The following PSEN2 variants were observed in gnomAD, a reference collection of about 807,000 sequenced individuals.
PSEN2 encodes the protein presenilin 2, also known as presenilin-2.
A neutral mutation model predicts 49.1 loss-of-function variants in PSEN2; 32 were observed. The observed-to-expected ratio is 0.65, with a 90% CI of 0.49 to 0.88. The LOEUF (loss-of-function observed/expected upper bound fraction) is 0.88, where lower values mean the gene tolerates loss of function less well. Among genes scored for constraint, PSEN2 ranks in the 40% least tolerant of loss-of-function variants. The probability of loss-of-function intolerance (pLI) is 0.00; values close to 1 mark genes in which losing one functional copy is unlikely to be tolerated. For synonymous variants in PSEN2, 255 were observed against 244.0 expected, an observed-to-expected ratio of 1.05 and a Z score of -0.42; for missense variants, 522 against 586.9, an observed-to-expected ratio of 0.89 and a Z score of 1.14.
intron 1 of PSEN2, 88 bp downstream of exon 1, chr1:226,870,737 C>T (rs1363580270): frequency 1.3e-5 from 2 of 152,162 alleles, no homozygotes; most frequent in Non-Finnish European, 2.9e-5. Context: ...CCCTGAGGGC[C>T]CTGCCCTGCC....
At chr1:226,898,319 G>C (rs907325588), downstream of PSEN2, 1 of 152,124 alleles carries the variant, frequency 6.6e-6, no homozygotes, top group African/African-American at 2.4e-5. Flanking sequence ...GCTATTGATC[G>C]ACCTGTAGGG....
downstream of PSEN2, among the ~76,000 whole-genome samples, chr1:226,897,159 G>A (rs937047784): frequency 1.3e-5 from 2 of 152,218 alleles, no homozygotes; most frequent in African/African-American, 4.8e-5. Context: ...AAAGCAGACA[G>A]GGATGGTCCC....
At chr1:226,871,511 C>T (rs1484299791) in intron 2 of PSEN2, 107 bp downstream of exon 2, 1 of 152,212 alleles carries the variant, frequency 6.6e-6, no homozygotes, top group African/African-American at 2.4e-5. Flanking sequence ...AATAAGTATT[C>T]CCTTTGAAAG....
chr1:226,887,130 G>T (rs1661412218), intron 6 of PSEN2, among the ~76,000 whole-genome samples: 1 of 152,156 alleles, frequency 6.6e-6, no homozygotes, highest in Non-Finnish European at 1.5e-5. Flanking sequence ...ACTGCGGGCA[G>T]TAGGTGTCTG....
chr1:226,901,433 T>TTA (rs1373592167), downstream of PSEN2, among the ~76,000 whole-genome samples: 1 of 47,358 alleles, frequency 2.1e-5, no homozygotes, highest in African/African-American at 5.9e-5. Context: ...CGAAACTGTC[T>TTA]CAAAAAAAAA....
chr1:226,893,726 C>G (rs550487955), intron 11 of PSEN2, among the ~76,000 whole-genome samples: 48 of 152,344 alleles, frequency 3.2e-4, no homozygotes, highest in South Asian at 3.1e-3. Flanking sequence ...TTTCTTTACT[C>G]TCTAAGTGCC....
Position 226,880,493 on chromosome 1 carries a change from C to T in PSEN2, c.-20-1395C>T, listed in dbSNP as rs940164103. On this transcript the variant is annotated intron_variant, in intron 3 of 12. Coordinates refer to ENST00000366783, the MANE Select transcript of PSEN2 (RefSeq NM_000447.3). ...GGGTGTGAAGCTCAGCCCTGAGGGT[C>T]TCTGGACAGCGATCACTCAGCCTCT... 5.3e-6 allele frequency: 8 copies of T among 1,500,014 alleles called. 1 individual carries two copies. The highest frequency in any genetic ancestry group is 2.5e-5 in the East Asian group (1 of 40,692). 92.9% of individuals were successfully genotyped at this position (1,500,014 alleles called of 1,614,324 possible).
intron 6 of PSEN2, among the ~76,000 whole-genome samples, 199 bp from the exon 7 acceptor site, chr1:226,887,892 T>C (rs1000483790): frequency 3.9e-5 from 6 of 152,170 alleles, no homozygotes; most frequent in African/African-American, 7.2e-5. Context: ...CTGCATGCGC[T>C]GCAGGATGAC....
chr1:226,877,497 C>G (rs1558139385), intron 3 of PSEN2, among the ~76,000 whole-genome samples: 1 of 152,210 alleles, frequency 6.6e-6, no homozygotes, highest in Non-Finnish European at 1.5e-5. Flanking sequence ...AAACAGTGAT[C>G]CTAAGGGATT....
chr1:226,886,179 A>C (rs553116343), intron 6 of PSEN2, among the ~76,000 whole-genome samples: 47 of 152,294 alleles, frequency 3.1e-4, no homozygotes, highest in African/African-American at 1.1e-3. Context: ...GTTGTCTTTT[A>C]AATTTACACA....
intron 3 of PSEN2, among the ~76,000 whole-genome samples, chr1:226,879,416 C>T (rs1040817521): frequency 1.3e-5 from 2 of 152,148 alleles, no homozygotes; most frequent in Non-Finnish European, 2.9e-5. Context: ...GTAAAGTTCA[C>T]TTCAGTTCAC....
Position 226,902,384 on chromosome 1 carries a change from G to C in PSEN2, c.1192-6138G>C, listed in dbSNP as rs190405078. On this transcript the variant is annotated intron_variant, in intron 12 of 14. Transcript: ENST00000676945. ...CTGGGGGTTGGGGACCCCTGATTTA[G>C]AGGAAGTAAGGGCATGGCTTACCGT... Among the ~76,000 whole-genome samples the C allele has an allele frequency of 4.9e-3, 751 of 152,188 alleles. 22 individuals carry two copies. Among genetic ancestry groups the C allele is most frequent in the Admixed American group, 0.042 (645 of 15,296 alleles).
chr1:226,883,683 C>G (rs545470666), intron 4 of PSEN2, 22 bp from the exon 5 acceptor site: 1 of 1,611,344 alleles, frequency 6.2e-7, no homozygotes, highest in African/African-American at 1.3e-5. Flanking sequence ...TTCTGCGGCC[C>G]TCACGATGTG....
intron 11 of PSEN2, among the ~76,000 whole-genome samples, chr1:226,893,257 A>C (rs1023042473): frequency 6.6e-6 from 1 of 152,180 alleles, no homozygotes. Context: ...TAAGAGATGC[A>C]ACTCAGGACC....
Position 226,888,246 on chromosome 1 carries a change from G to A in PSEN2, c.566+88G>A. Reference sequence around the variant, plus strand: ...GGGCATGAGGACCTGGGCGGGGAAAGATGACCATCGAGCTCCAGTCTTCCC... The same window carrying A: ...GGGCATGAGGACCTGGGCGGGGAAAAATGACCATCGAGCTCCAGTCTTCCC... On this transcript the variant is annotated intron_variant, in intron 7 of 12. Coordinates refer to ENST00000366783, the MANE Select transcript of PSEN2 (RefSeq NM_000447.3). The A allele has an allele frequency of 2.5e-6, 3 of 1,223,628 alleles. No homozygotes were observed. The Admixed American group carries it at 5.1e-5, about 21-fold the overall frequency. 75.8% of individuals were successfully genotyped at this position (1,223,628 alleles called of 1,614,324 possible). A position where few individuals can be genotyped will look rare whatever the true frequency, so the allele number is the denominator to read the frequency against.
In PSEN2 at chr1:226,891,822, G is replaced by C; in HGVS notation, c.1050G>C (p.Glu350Asp). ...FEPPLTGYPG[E>D]ELEEEEERGV... Reference sequence around the variant, plus strand: ...CTCCCTTGACTGGCTACCCAGGGGAGGAGCTGGAGGAAGAGGAGGAAAGTA... The same window carrying C: ...CTCCCTTGACTGGCTACCCAGGGGACGAGCTGGAGGAAGAGGAGGAAAGTA... The change falls in exon 11 of 13, where the codon GAG (glutamate) becomes GAC (aspartate). Residue 350 changes from glutamate to aspartate, a missense_variant. By Grantham distance (45) the Glu-to-Asp change is conservative. Transcript: ENST00000366783. 6.2e-7 allele frequency: 1 copy of C among 1,614,142 alleles called. No homozygotes were observed. Among genetic ancestry groups the C allele is most frequent in the Non-Finnish European group, 8.5e-7 (1 of 1,179,986 alleles).
rs200016565 is a variant in PSEN2 at position 226,895,623 on chromosome 1, T to C, written c.*44T>C. 3.2e-5 allele frequency: 50 copies of C among 1,572,992 alleles called. No individual in the cohort carries two copies. Among genetic ancestry groups the C allele is most frequent in the Middle Eastern group, 1.7e-4 (1 of 5,878 alleles). On this transcript the variant is annotated 3_prime_UTR_variant, in exon 13 of 13. Transcript: ENST00000366783. The stretch of plus-strand genomic sequence containing the variant: ...GGCTGCAAGCTGCAGGGAATTTTCA[T>C]TGGATGCAGTTGTATAGTTTTACAC...
chr1:226,902,280 G>A (rs1367271026), intron 12 of PSEN2, among the ~76,000 whole-genome samples: 1 of 152,170 alleles, frequency 6.6e-6, no homozygotes, highest in African/African-American at 2.4e-5. Context: ...AGCTCAGGTG[G>A]TAATGCTCAT....
chr1:226,895,918 C>T lies in PSEN2; in HGVS notation c.*339C>T. 1 of 405,612 alleles carries T rather than the reference C, an allele frequency of 2.5e-6. No homozygotes were observed. Among genetic ancestry groups the T allele is most frequent in the South Asian group, 2.4e-5 (1 of 41,056 alleles). The allele number at this position is 405,612 out of a possible 1,614,324, so 25.1% of individuals were successfully genotyped here. On this transcript the variant is annotated 3_prime_UTR_variant, in exon 13 of 13. Coordinates refer to ENST00000366783, the MANE Select transcript of PSEN2 (RefSeq NM_000447.3). ...TGTGCTCGGGAGTGGCCCCTGGCAC[C>T]TGGGTGCTCTGGCTGGAGAGGAAAA...
Sources: allele counts gnomAD v4.1 joint callset (sites outside exome capture counted in the v4.1 genomes callset), GRCh38; gene constraint gnomAD v4.1.1; transcripts MANE v1.5; gene names NCBI Gene and HGNC (gene_info 2026-07-23, HGNC 2026-07-21).